Variants in SORBS2 observed in about 807,000 individuals in gnomAD.
SORBS2 encodes the protein sorbin and SH3 domain-containing protein 2.
In SORBS2, 46 loss-of-function variants were observed where a neutral mutation model predicts 97.7. The ratio of observed to expected loss-of-function variants is 0.47; its 90% CI spans 0.37 to 0.60. SORBS2 has a LOEUF of 0.60. Among genes scored for constraint, SORBS2 ranks in the 20% least tolerant of loss-of-function variants. The probability of loss-of-function intolerance (pLI) is 0.00; values close to 1 mark genes in which losing one functional copy is unlikely to be tolerated. For synonymous variants in SORBS2, 476 were observed against 473.4 expected (o/e 1.01, Z -0.07); for missense variants, 1,316 against 1,282.3 (o/e 1.03, Z -0.40).
intron 1 of SORBS2, among the ~76,000 whole-genome samples, chr4:185,882,508 C>T (rs1329219257): frequency 6.6e-6 from 1 of 152,154 alleles, no homozygotes; most frequent in East Asian, 1.9e-4. Flanking sequence ...GATGCCAATT[C>T]TTCCTAAACT....
chr4:185,772,903 C>G (rs989077767), intron 2 of SORBS2: 1 of 152,206 alleles, frequency 6.6e-6, no homozygotes, highest in Non-Finnish European at 1.5e-5. Context: ...TTTGGCAACA[C>G]AGGCCAAGTT....
chr4:185,900,353 C>T (rs536943583), intron 1 of SORBS2, among the ~76,000 whole-genome samples: 11 of 152,256 alleles, frequency 7.2e-5, no homozygotes, highest in South Asian at 4.1e-4. Context: ...AGGTTAACAA[C>T]GGGACTTTCT....
At chr4:185,779,858 C>T (rs958343660) in intron 1 of SORBS2, among the ~76,000 whole-genome samples, 3 of 152,042 alleles carry the variant, frequency 2.0e-5, no homozygotes, top group Non-Finnish European at 2.9e-5. Context: ...GAAACACTGG[C>T]GTGAGTTTCA....
At chr4:185,767,258 G>A (rs1171864566) in intron 2 of SORBS2, among the ~76,000 whole-genome samples, 1 of 151,772 alleles carries the variant, frequency 6.6e-6, no homozygotes, top group Non-Finnish European at 1.5e-5. Context: ...CAGCACTTTG[G>A]GAGGCCGAGG....
At chr4:185,729,244 G>A (rs757072555) in intron 2 of SORBS2, among the ~76,000 whole-genome samples, 6 of 152,208 alleles carry the variant, frequency 3.9e-5, no homozygotes, top group Non-Finnish European at 8.8e-5. Context: ...TCAGGGTAAT[G>A]TGCTACTAAC....
intron 1 of SORBS2, among the ~76,000 whole-genome samples, chr4:185,879,400 T>G (rs1343725776): frequency 1.3e-5 from 2 of 152,154 alleles, no homozygotes; most frequent in Non-Finnish European, 2.9e-5. Flanking sequence ...GTGCCACATT[T>G]TCTTAATCCA....
intron 1 of SORBS2, among the ~76,000 whole-genome samples, chr4:185,902,599 C>T (rs1171318401): frequency 6.6e-6 from 1 of 150,750 alleles, no homozygotes; most frequent in Non-Finnish European, 1.5e-5. Context: ...AATAATTGGT[C>T]TGGAGAGAGG....
At chr4:185,794,135 T>A (rs887374479) in intron 1 of SORBS2, among the ~76,000 whole-genome samples, 1 of 152,238 alleles carries the variant, frequency 6.6e-6, no homozygotes, top group African/African-American at 2.4e-5. Context: ...CAAACATTGG[T>A]GACATAAAAT....
chr4:185,899,540 C>T (rs1245561191), intron 1 of SORBS2, among the ~76,000 whole-genome samples: 1 of 152,106 alleles, frequency 6.6e-6, no homozygotes, highest in African/African-American at 2.4e-5. Flanking sequence ...ATCCTCCCCC[C>T]TCAGCCTCCC....
intron 1 of SORBS2, among the ~76,000 whole-genome samples, chr4:185,924,292 G>C (rs1297855661): frequency 6.6e-6 from 1 of 152,196 alleles, no homozygotes; most frequent in African/African-American, 2.4e-5. Flanking sequence ...CAAGGAGGGA[G>C]CCTGCCTTAG....
intron 2 of SORBS2, among the ~76,000 whole-genome samples, chr4:185,709,390 C>T (rs1406311497): frequency 6.8e-6 from 1 of 146,250 alleles, no homozygotes; most frequent in Admixed American, 7.0e-5. Flanking sequence ...CACTAAATGG[C>T]AGGTTTCATA....
chr4:185,856,066 A>T (rs2099220463), intron 1 of SORBS2, among the ~76,000 whole-genome samples: 1 of 152,220 alleles, frequency 6.6e-6, no homozygotes, highest in South Asian at 2.1e-4. Flanking sequence ...GTTTCTGAAA[A>T]TGTATATGAT....
chr4:185,798,834 C>T (rs149212986), intron 1 of SORBS2, among the ~76,000 whole-genome samples: 6 of 152,256 alleles, frequency 3.9e-5, no homozygotes, highest in East Asian at 1.9e-4. Context: ...CATGTCTAAA[C>T]GTTTTTGCCC....
In SORBS2 at chr4:185,587,654, G is replaced by T. The variant is rs143581306; in HGVS notation, c.2988C>A (p.Phe996Leu). 58 of 1,613,374 alleles carry T rather than the reference G, an allele frequency of 3.6e-5. No individual in the cohort carries two copies. Among genetic ancestry groups the T allele is most frequent in the Non-Finnish European group, 4.8e-5 (57 of 1,179,780 alleles). Residue 996 changes from phenylalanine (F) to leucine (L), a missense_variant, in exon 15 of 15, where the codon TTC (phenylalanine) becomes TTA (leucine). Coordinates refer to ENST00000418609, the Ensembl canonical transcript of SORBS2. Reference sequence around the variant, plus strand: ...ACAGCCTCTTGACGTAGTTTCCGGGGAAAGTACCAAAGAATTTGGTTCTTC... The same window carrying T: ...ACAGCCTCTTGACGTAGTTTCCGGGTAAAGTACCAAAGAATTTGGTTCTTC...
chr4:185,646,417 G>GTA (rs35114445), intron 4 of SORBS2: 6,489 of 298,454 alleles, frequency 0.022, 195 homozygotes, highest in African/African-American at 0.11. Context: ...ATGTGTGTGT[G>GTA]TATATATATA....
chr4:185,885,717 T>C (rs991740155), intron 1 of SORBS2, among the ~76,000 whole-genome samples: 3 of 152,200 alleles, frequency 2.0e-5, no homozygotes, highest in Non-Finnish European at 4.4e-5. Flanking sequence ...CTTGGCTCTT[T>C]AAGATTCCTC....
upstream of SORBS2, among the ~76,000 whole-genome samples, chr4:185,659,935 T>C (rs1192597975): frequency 1.3e-5 from 2 of 152,226 alleles, no homozygotes; most frequent in African/African-American, 4.8e-5. Context: ...CCATACCTTA[T>C]GCAATATAAG....
intron 2 of SORBS2, among the ~76,000 whole-genome samples, chr4:185,738,405 G>C (rs1233674707): frequency 6.6e-6 from 1 of 152,202 alleles, no homozygotes; most frequent in East Asian, 1.9e-4. Context: ...GCCGATCCCA[G>C]CCCGGAGATT....
intron 2 of SORBS2, 116 bp from the exon 11 acceptor site, chr4:185,651,944 G>A (rs1158955705): frequency 1.5e-6 from 1 of 666,358 alleles, no homozygotes; most frequent in Non-Finnish European, 2.7e-6. Flanking sequence ...ATTTTTCCTA[G>A]TTCATAATGC....
Sources: allele counts gnomAD v4.1 joint callset (sites outside exome capture counted in the v4.1 genomes callset), GRCh38; gene constraint gnomAD v4.1.1; transcripts MANE v1.5; gene names NCBI Gene and HGNC (gene_info 2026-07-23, HGNC 2026-07-21).